NEDD4L: variants seen among roughly 807,000 people sequenced by gnomAD.
The protein encoded by NEDD4L is NEDD4 like E3 ubiquitin protein ligase, also known as E3 ubiquitin-protein ligase NEDD4-like.
Under a neutral mutation model 148.9 loss-of-function variants are expected in NEDD4L, and 54 were observed. The ratio of observed to expected loss-of-function variants is 0.36; its 90% CI spans 0.29 to 0.45. NEDD4L has a LOEUF of 0.45. NEDD4L is among the 20% of genes least tolerant of loss of function. The pLI, the probability that NEDD4L is intolerant of heterozygous loss-of-function variation, is 1.00. For synonymous variants in NEDD4L, 433 were observed against 440.7 expected (o/e 0.98, Z 0.22); for missense variants, 856 against 1,233.8 (o/e 0.69, Z 4.59).
chr18:58,089,361 C>T (rs1406133771), intron 1 of NEDD4L, among the ~76,000 whole-genome samples: 2 of 152,072 alleles, frequency 1.3e-5, no homozygotes, highest in African/African-American at 4.8e-5. Context: ...TCTTGAACTC[C>T]TGACCTCAGG....
intron 5 of NEDD4L, among the ~76,000 whole-genome samples, chr18:58,263,110 T>G (rs1425129909): frequency 1.3e-5 from 2 of 152,224 alleles, no homozygotes; most frequent in African/African-American, 4.8e-5. Context: ...TATCTCTGAT[T>G]TGACTCGTTG....
At chr18:58,138,656 G>A (rs1186284481) in intron 1 of NEDD4L, among the ~76,000 whole-genome samples, 15 of 152,142 alleles carry the variant, frequency 9.9e-5, no homozygotes, top group Admixed American at 9.8e-4. Context: ...GGAAGTCCAT[G>A]ATCAAAGTAC....
intron 2 of NEDD4L, among the ~76,000 whole-genome samples, chr18:58,175,890 T>C (rs1444812074): frequency 6.6e-6 from 1 of 152,170 alleles, no homozygotes; most frequent in Non-Finnish European, 1.5e-5. Context: ...AATCCTAGCC[T>C]CCACACCACC....
Position 58,164,302 on chromosome 18 carries a change from A to G in NEDD4L, c.49-1486A>G, listed in dbSNP as rs1387833157. 5.9e-5 allele frequency among the ~76,000 whole-genome samples: 9 copies of G among 152,188 alleles called. 1 individual carries two copies. Among genetic ancestry groups the G allele is most frequent in the Non-Finnish European group, 1.3e-4 (9 of 68,040 alleles). On this transcript the variant is annotated intron_variant, in intron 1 of 30. Transcript: ENST00000400345. Reference sequence around the variant, plus strand: ...TTTTCTCACCTGTGATTGATCATGCATGATTGAGTTTTGTCTATTAAAGCA... The same window carrying G: ...TTTTCTCACCTGTGATTGATCATGCGTGATTGAGTTTTGTCTATTAAAGCA...
rs373080858 is a variant in NEDD4L at position 58,335,503 on chromosome 18, G to A, written c.1091G>A (p.Arg364His). 28 of 1,613,454 alleles carry A rather than the reference G, an allele frequency of 1.7e-5. No individual in the cohort carries two copies. Among genetic ancestry groups the A allele is most frequent in the African/African-American group, 1.5e-4 (11 of 74,902 alleles). ...CCCAGTGCCCCAGCTGGGAGAGCGC[G>A]TTCATCAACTGTCACGGGTGGTGAG... is the stretch of plus-strand genomic sequence containing the variant. The part of the protein sequence containing the change: ...PPPSAPAGRA[R>H]SSTVTGGEEP... Residue 364 changes from arginine (R) to histidine (H), a missense_variant, in exon 13 of 31, where the codon CGT (arginine) becomes CAT (histidine). Around this residue, in one of 4 missense-constraint regions of NEDD4L, gnomAD observed 367 missense variants for 422.7 expected, o/e 0.87. Transcript: ENST00000400345.
chr18:58,154,677 C>T (rs971643291), intron 1 of NEDD4L, among the ~76,000 whole-genome samples: 1 of 152,140 alleles, frequency 6.6e-6, no homozygotes, highest in Non-Finnish European at 1.5e-5. Flanking sequence ...ATCCCAGCTA[C>T]TTGGGAGGCT....
chr18:58,077,679 T>G (rs1304313107), intron 1 of NEDD4L, among the ~76,000 whole-genome samples: 1 of 152,124 alleles, frequency 6.6e-6, no homozygotes, highest in Non-Finnish European at 1.5e-5. Flanking sequence ...ATGCATCGGG[T>G]TTGGGATCTT....
rs1427841632 is a variant in NEDD4L at position 58,256,588 on chromosome 18, A to G, written c.297+4534A>G. On this transcript the variant is annotated intron_variant, in intron 5 of 30. Coordinates refer to ENST00000400345, the MANE Select transcript of NEDD4L (RefSeq NM_001144967.3). This position sits in a 1 kb window ranked among gnomAD's most constrained non-coding sequence, Gnocchi z 5.2. The stretch of plus-strand genomic sequence containing the variant: ...CTCGAGCTGGCAGGATGGCTCCTGA[A>G]ATCCGCAGGACGAACTCCGCGGAGA... 1.8e-5 allele frequency: 22 copies of G among 1,232,230 alleles called. No individual in the cohort carries two copies. The highest frequency in any genetic ancestry group is 4.1e-5 in the South Asian group (1 of 24,318). 76.3% of individuals were successfully genotyped at this position (1,232,230 alleles called of 1,614,324 possible). A position where few individuals can be genotyped will look rare whatever the true frequency, so the allele number is the denominator to read the frequency against.
At chr18:58,362,702 A>G (rs543696295) in intron 19 of NEDD4L, among the ~76,000 whole-genome samples, 1 of 152,352 alleles carries the variant, frequency 6.6e-6, no homozygotes, top group African/African-American at 2.4e-5. Context: ...TCTGGCACCT[A>G]AAATGCCTTG....
intron 1 of NEDD4L, chr18:58,054,823 TC>T (rs948013041): frequency 1.3e-5 from 2 of 152,222 alleles, no homozygotes; most frequent in African/African-American, 4.8e-5. Flanking sequence ...GAGCTGAACT[TC>T]CCATGTTGAC....
At chr18:58,355,737 T>G (rs533281475) in intron 18 of NEDD4L, among the ~76,000 whole-genome samples, 2 of 152,216 alleles carry the variant, frequency 1.3e-5, no homozygotes, top group South Asian at 4.2e-4. Flanking sequence ...CAGTTGAGAT[T>G]TTTCATGTAA....
intron 1 of NEDD4L, among the ~76,000 whole-genome samples, chr18:58,144,241 G>A (rs2033868252): frequency 6.6e-6 from 1 of 152,130 alleles, no homozygotes; most frequent in Non-Finnish European, 1.5e-5. Context: ...ACGCTGTACT[G>A]GATGATACAG....
At chr18:58,205,255 T>C (rs1186943306) in intron 2 of NEDD4L, among the ~76,000 whole-genome samples, 1 of 152,132 alleles carries the variant, frequency 6.6e-6, no homozygotes, top group Non-Finnish European at 1.5e-5. Context: ...CAGTTGTGGG[T>C]TGGTAGGAGA....
chr18:58,138,230 C>A (rs1463672971), intron 1 of NEDD4L, among the ~76,000 whole-genome samples: 1 of 152,176 alleles, frequency 6.6e-6, no homozygotes, highest in Non-Finnish European at 1.5e-5. Context: ...GGATTTCATA[C>A]CCATGGGTTG....
At position 58,341,789 on chromosome 18, in the gene NEDD4L, C is replaced by T; in HGVS notation, c.1369C>T (p.Pro457Ser). ...CTCGCCAACAGTAACTTTATCTGCCCCGCTGGAGGTGAGACGGCTACCTCA... is the reference window on the plus strand; with the variant it reads ...CTCGCCAACAGTAACTTTATCTGCCTCGCTGGAGGTGAGACGGCTACCTCA... ...LSSPTVTLSA[P>S]LEGAKDSPVR... The change falls in exon 15 of 31, where the codon CCG (proline) becomes TCG (serine). Residue 457 changes from proline (P) to serine (S), a missense_variant. By Grantham distance (74) the Pro-to-Ser change is moderately conservative. This residue lies in a region of NEDD4L where 367 missense variants were observed against 422.7 expected (regional missense o/e 0.87). Transcript: ENST00000400345. 1 of 1,613,014 alleles carries T rather than the reference C, an allele frequency of 6.2e-7. No homozygotes were observed. Among genetic ancestry groups the T allele is most frequent in the Non-Finnish European group, 8.5e-7 (1 of 1,179,560 alleles).
chr18:58,074,302 A>G (rs1164105278), intron 1 of NEDD4L, among the ~76,000 whole-genome samples: 1 of 150,292 alleles, frequency 6.7e-6, no homozygotes, highest in Non-Finnish European at 1.5e-5. Context: ...ACTCTGTCCC[A>G]GGTTGGAGTG....
At chr18:58,273,512 G>A (rs866026807) in intron 5 of NEDD4L, among the ~76,000 whole-genome samples, 2 of 152,206 alleles carry the variant, frequency 1.3e-5, no homozygotes, top group Admixed American at 1.3e-4. Flanking sequence ...AGAGTCAGGA[G>A]TGTGTGTGAG....
At chr18:58,155,776 A>G (rs1421585880) in intron 1 of NEDD4L, among the ~76,000 whole-genome samples, 13 of 152,174 alleles carry the variant, frequency 8.5e-5, no homozygotes, top group South Asian at 2.1e-4. Context: ...AGCCACAGGG[A>G]TGACAGAAGG....
intron 5 of NEDD4L, among the ~76,000 whole-genome samples, chr18:58,298,400 A>G (rs188332031): frequency 2.9e-4 from 44 of 152,322 alleles, no homozygotes; most frequent in Non-Finnish European, 5.9e-4. Flanking sequence ...TATAGAAGAC[A>G]ATCCTGAATT....
Sources: allele counts gnomAD v4.1 joint callset (sites outside exome capture counted in the v4.1 genomes callset), GRCh38; gene constraint gnomAD v4.1.1; regional missense constraint gnomAD v4.1.1; non-coding constraint Gnocchi (gnomAD v3.1); transcripts MANE v1.5; gene names NCBI Gene and HGNC (gene_info 2026-07-23, HGNC 2026-07-21).